SV2C: variants seen among roughly 807,000 people sequenced by gnomAD.
SV2C encodes the protein synaptic vesicle glycoprotein 2C.
SV2C carries 49 observed loss-of-function variants against 79.7 expected under a neutral mutation model. The ratio of observed to expected loss-of-function variants is 0.61; its 90% CI spans 0.49 to 0.78. The LOEUF (loss-of-function observed/expected upper bound fraction) is 0.78. Ranked by LOEUF, SV2C falls within the 30% of genes least tolerant of loss-of-function variation. SV2C has a pLI of 0.00. For synonymous variants in SV2C, 334 were observed against 333.2 expected (o/e 1.00, Z -0.03); for missense variants, 833 against 912.9 (o/e 0.91, Z 1.13).
intron 4 of SV2C, among the ~76,000 whole-genome samples, chr5:76,277,964 A>G (rs1022213860): frequency 2.0e-5 from 3 of 152,218 alleles, no homozygotes; most frequent in African/African-American, 7.2e-5. Context: ...TGGTGGTTAC[A>G]TGACTCTGCA....
chr5:76,043,688 G>A, the SV2C span, among the ~76,000 whole-genome samples: 1 of 152,130 alleles, frequency 6.6e-6, no homozygotes, highest in Non-Finnish European at 1.5e-5. Flanking sequence ...GTGCCACAGA[G>A]TGTATAACTT....
rs185430769 is a variant in SV2C at position 76,340,636 on chromosome 5, C to T, written c.2001-12494C>T. Reference sequence around the variant, plus strand: ...CCAACTCAGATTCCTCTTAGCCTATCCGCAAAATGCCCAGCTCCACCCAAC... The same window carrying T: ...CCAACTCAGATTCCTCTTAGCCTATTCGCAAAATGCCCAGCTCCACCCAAC... On this transcript the variant is annotated intron_variant, in intron 12 of 12. Coordinates refer to the SV2C transcript ENST00000322285. Among the ~76,000 whole-genome samples the T allele has an allele frequency of 2.6e-5, 4 of 152,284 alleles. No individual in the cohort carries two copies. The East Asian group carries it at 7.7e-4, about 29-fold the overall frequency.
the SV2C span, among the ~76,000 whole-genome samples, chr5:76,022,687 T>G: frequency 6.6e-6 from 1 of 152,164 alleles, no homozygotes; most frequent in African/African-American, 2.4e-5. Context: ...AGCTTTTTGG[T>G]TTTGTTGATA....
At chr5:75,971,039 T>C in the SV2C span, among the ~76,000 whole-genome samples, 421 of 152,200 alleles carry the variant, frequency 2.8e-3, 4 homozygotes, top group African/African-American at 9.3e-3. Flanking sequence ...TCAATGAATG[T>C]AATCCAGAAT....
the SV2C span, among the ~76,000 whole-genome samples, chr5:76,064,032 T>C: frequency 6.6e-6 from 1 of 151,992 alleles, no homozygotes; most frequent in African/African-American, 2.4e-5. Context: ...AACAATGTGG[T>C]GGGGAACAAG....
At chr5:75,963,867 T>C in the SV2C span, among the ~76,000 whole-genome samples, 2 of 152,174 alleles carry the variant, frequency 1.3e-5, no homozygotes, top group Non-Finnish European at 2.9e-5. Flanking sequence ...TCTCTTTTTT[T>C]CTTTTTGTTC....
At chr5:76,039,543 G>A in the SV2C span, among the ~76,000 whole-genome samples, 6,240 of 152,176 alleles carry the variant, frequency 0.041, 396 homozygotes, top group African/African-American at 0.14. Flanking sequence ...ATCACCTGAG[G>A]TCAGGAGTTC....
At chr5:76,127,843 T>C (rs1748761210) in intron 1 of SV2C, among the ~76,000 whole-genome samples, 2 of 152,140 alleles carry the variant, frequency 1.3e-5, no homozygotes, top group Non-Finnish European at 2.9e-5. Flanking sequence ...CGAGGCATAA[T>C]TTATACTCCA....
At chr5:76,164,091 A>T (rs1742972940) in intron 2 of SV2C, among the ~76,000 whole-genome samples, 4 of 152,322 alleles carry the variant, frequency 2.6e-5, no homozygotes, top group South Asian at 4.1e-4. Context: ...TTCAACAAAG[A>T]TGGGGATTAT....
At chr5:76,157,898 A>G (rs1445359499) in intron 2 of SV2C, among the ~76,000 whole-genome samples, 2 of 151,860 alleles carry the variant, frequency 1.3e-5, no homozygotes, top group Non-Finnish European at 3.0e-5. Flanking sequence ...ACATCACAAA[A>G]GGGGAGAAAA....
the SV2C span, among the ~76,000 whole-genome samples, chr5:76,061,486 T>G: frequency 1.3e-5 from 2 of 152,090 alleles, no homozygotes; most frequent in Non-Finnish European, 2.9e-5. Flanking sequence ...TCTAATAATT[T>G]CTCAAAGTCT....
chr5:76,133,286 G>A (rs1748963549), intron 2 of SV2C, among the ~76,000 whole-genome samples: 1 of 152,172 alleles, frequency 6.6e-6, no homozygotes, highest in African/African-American at 2.4e-5. Flanking sequence ...GTGTTTCAGA[G>A]TCTATGAAAG....
chr5:76,120,525 A>AC (rs1748452363), intron 1 of SV2C, among the ~76,000 whole-genome samples: 2 of 53,654 alleles, frequency 3.7e-5, no homozygotes, highest in African/African-American at 7.8e-5. Context: ...CCCTCCCCCC[A>AC]CCCCACAACA....
rs748721771 is a variant in SV2C at position 76,349,293 on chromosome 5, C to T, written c.2001-3837C>T. 3.2e-4 allele frequency among the ~76,000 whole-genome samples: 48 copies of T among 152,268 alleles called. 1 individual carries two copies. Among genetic ancestry groups the T allele is most frequent in the Non-Finnish European group, 4.1e-4 (28 of 68,030 alleles). ...TTGGGAGGCCAAGGCAGGGGGATCACGTGAGGTTAGGAGTTCGAGACCAGG... is the reference window on the plus strand; with the variant it reads ...TTGGGAGGCCAAGGCAGGGGGATCATGTGAGGTTAGGAGTTCGAGACCAGG... On this transcript the variant is annotated intron_variant, in intron 12 of 12. Transcript: ENST00000322285.
the SV2C span, among the ~76,000 whole-genome samples, chr5:76,014,169 G>GAAGAAAGAAAGAAAGA: frequency 5.7e-5 from 8 of 140,036 alleles, no homozygotes; most frequent in African/African-American, 2.1e-4. Flanking sequence ...AGGAAGGAAG[G>GAAGAAAGAAAGAAAGA]AAGAAAGAAA....
At chr5:76,120,534 C>T (rs1369523490) in intron 1 of SV2C, among the ~76,000 whole-genome samples, 11 of 110,660 alleles carry the variant, frequency 9.9e-5, no homozygotes, top group African/African-American at 4.2e-4. Flanking sequence ...CACCCCACAA[C>T]AGTCCCCAGT....
At chr5:75,983,639 G>A in the SV2C span, among the ~76,000 whole-genome samples, 1 of 151,756 alleles carries the variant, frequency 6.6e-6, no homozygotes, top group Non-Finnish European at 1.5e-5. Flanking sequence ...CTTTATAGGT[G>A]ATGAGTGTAT....
the SV2C span, among the ~76,000 whole-genome samples, chr5:75,849,163 G>A: frequency 1.3e-5 from 2 of 152,164 alleles, no homozygotes; most frequent in African/African-American, 4.8e-5. Context: ...CCAATAAATA[G>A]TTGTTGAGTG....
At chr5:76,157,636 C>A (rs77116385) in intron 2 of SV2C, among the ~76,000 whole-genome samples, 1 of 100,644 alleles carries the variant, frequency 9.9e-6, no homozygotes, top group Non-Finnish European at 2.3e-5. Context: ...TATTTGCTAA[C>A]AAAGGAGGTA....
Sources: gnomAD v4.1 joint callset for allele counts (sites outside exome capture counted in the v4.1 genomes callset) on GRCh38, gnomAD v4.1.1 for gene constraint, MANE v1.5 for transcripts, NCBI Gene and HGNC (gene_info 2026-07-23, HGNC 2026-07-21) for gene names.